MAP3K13: variants seen among roughly 807,000 people sequenced by gnomAD.
The protein encoded by MAP3K13 is mitogen-activated protein kinase kinase kinase 13.
A neutral mutation model predicts 104.0 loss-of-function variants in MAP3K13; 52 were observed. That is an observed-to-expected ratio of 0.50 (90% CI 0.40 to 0.63). The LOEUF (loss-of-function observed/expected upper bound fraction) is 0.63. Ranked by LOEUF, MAP3K13 falls within the 20% of genes least tolerant of loss-of-function variation. The probability of loss-of-function intolerance (pLI) is 0.00; values close to 1 mark genes in which losing one functional copy is unlikely to be tolerated. For synonymous variants in MAP3K13, 394 were observed against 442.2 expected (o/e 0.89, Z 1.37); for missense variants, 914 against 1,218.5 (o/e 0.75, Z 3.72).
At chr3:185,405,370 C>A (rs901900136) in intron 1 of MAP3K13, among the ~76,000 whole-genome samples, 1 of 152,128 alleles carries the variant, frequency 6.6e-6, no homozygotes, top group Non-Finnish European at 1.5e-5. Context: ...AGGCCAAATT[C>A]TTTTGATCAA....
At chr3:185,373,644 AAAAC>A (rs1190503143) in intron 1 of MAP3K13, among the ~76,000 whole-genome samples, 1 of 152,158 alleles carries the variant, frequency 6.6e-6, no homozygotes, top group Non-Finnish European at 1.5e-5. Flanking sequence ...TCCATTTCAA[AAAAC>A]AAACAAACAA....
At chr3:185,467,106 G>GT in intron 10 of MAP3K13, 143 bp downstream of exon 10, 1 of 856,200 alleles carries the variant, frequency 1.2e-6, no homozygotes, top group South Asian at 1.8e-5. Flanking sequence ...GTAAAACAGA[G>GT]TAAGAAGGTG....
chr3:185,359,209 G>C (rs1723499449), upstream of MAP3K13, among the ~76,000 whole-genome samples: 1 of 152,160 alleles, frequency 6.6e-6, no homozygotes, highest in South Asian at 2.1e-4. Flanking sequence ...GGCAAAGAGA[G>C]AGTGAGGAAG....
intron 1 of MAP3K13, among the ~76,000 whole-genome samples, chr3:185,377,823 G>A (rs901491852): frequency 6.6e-6 from 1 of 152,268 alleles, no homozygotes; most frequent in African/African-American, 2.4e-5. Flanking sequence ...AAGCCGAGAA[G>A]ATCTGGGAAG....
At chr3:185,331,165 C>T (rs1722259736) in intron 2 of MAP3K13, among the ~76,000 whole-genome samples, 1 of 135,844 alleles carries the variant, frequency 7.4e-6, no homozygotes, top group African/African-American at 2.7e-5. Flanking sequence ...GGGATCTCGG[C>T]TCACTGCAAC....
chr3:185,407,098 TCTAAGTTGATTTG>T (rs1713156663), intron 1 of MAP3K13, among the ~76,000 whole-genome samples: 1 of 152,182 alleles, frequency 6.6e-6, no homozygotes. Flanking sequence ...GGAAGGACAC[TCTAAGTTGATTTG>T]CCTCAGTAAA....
chr3:185,357,618 T>A (rs1329108480), intron 2 of MAP3K13, among the ~76,000 whole-genome samples: 4 of 152,192 alleles, frequency 2.6e-5, no homozygotes. Context: ...TGGTTTATGG[T>A]ATTTTGCCAG....
At chr3:185,455,657 G>GAT (rs1308538421) in intron 7 of MAP3K13, among the ~76,000 whole-genome samples, 1 of 56,030 alleles carries the variant, frequency 1.8e-5, no homozygotes, top group Non-Finnish European at 3.1e-5. Flanking sequence ...ATATATATAT[G>GAT]ATATATATAT....
At chr3:185,381,119 C>A (rs150825054) in intron 1 of MAP3K13, among the ~76,000 whole-genome samples, 266 of 152,114 alleles carry the variant, frequency 1.7e-3, no homozygotes, top group African/African-American at 6.2e-3. Context: ...TGTGCTACCA[C>A]GCCCGGCTAA....
intron 1 of MAP3K13, among the ~76,000 whole-genome samples, chr3:185,392,991 G>A (rs1163241906): frequency 1.3e-5 from 2 of 152,104 alleles, no homozygotes; most frequent in Non-Finnish European, 2.9e-5. Flanking sequence ...GATGGAGGTT[G>A]CAGTGAGCCG....
intron 9 of MAP3K13, among the ~76,000 whole-genome samples, chr3:185,466,207 G>A (rs995844986): frequency 6.6e-5 from 10 of 152,202 alleles, no homozygotes; most frequent in African/African-American, 1.7e-4. Flanking sequence ...ACTCCTGATG[G>A]TGGCAAGAAA....
rs367860118 is a variant in MAP3K13, at chr3:185,482,411, T to C, written c.2856T>C (p.Asp952=). ...ACTCTTCAGATGGGGAGTGTTCTGATGCCACAGTTAGGACCAATAAACACT... is the reference window on the plus strand; with the variant it reads ...ACTCTTCAGATGGGGAGTGTTCTGACGCCACAGTTAGGACCAATAAACACT... ...DCDSSDGECS[D]ATVRTNKHYS... Residue 952 remains aspartate, a synonymous_variant, in exon 14 of 14, where the codon GAT becomes GAC. Coordinates refer to ENST00000265026, the MANE Select transcript of MAP3K13 (RefSeq NM_004721.5). This position sits in a 1 kb window ranked among gnomAD's most constrained non-coding sequence, Gnocchi z 4.5. The C allele has an allele frequency of 8.1e-6, 13 of 1,614,070 alleles. No individual in the cohort carries two copies. Among genetic ancestry groups the C allele is most frequent in the East Asian group, 2.2e-5 (1 of 44,894 alleles).
chr3:185,467,467 A>G (rs1041992462), intron 10 of MAP3K13, among the ~76,000 whole-genome samples: 3 of 152,172 alleles, frequency 2.0e-5, no homozygotes, highest in South Asian at 4.1e-4. Context: ...AACTCACTGT[A>G]TTAGTCCCTT....
chr3:185,295,276 G>A (rs557442247), intron 2 of MAP3K13, among the ~76,000 whole-genome samples: 2 of 152,076 alleles, frequency 1.3e-5, no homozygotes, highest in Non-Finnish European at 2.9e-5. Flanking sequence ...TGCAATCTTG[G>A]CTCACTGCAA....
At chr3:185,358,737 C>T (rs533256873), upstream of MAP3K13, among the ~76,000 whole-genome samples, 3 of 152,306 alleles carry the variant, frequency 2.0e-5, no homozygotes, top group Admixed American at 6.5e-5. Flanking sequence ...ATAGGGTTAA[C>T]ATTCTGATAT....
intron 2 of MAP3K13, among the ~76,000 whole-genome samples, chr3:185,327,313 C>A (rs1476656937): frequency 6.6e-6 from 1 of 152,218 alleles, no homozygotes; most frequent in Non-Finnish European, 1.5e-5. Flanking sequence ...ATAATCTCCC[C>A]ATTTCAAAGT....
At chr3:185,338,948 A>G (rs1268320372) in intron 2 of MAP3K13, among the ~76,000 whole-genome samples, 2 of 152,244 alleles carry the variant, frequency 1.3e-5, no homozygotes, top group Non-Finnish European at 2.9e-5. Context: ...AAAAGACATA[A>G]TAACAAGAGC....
At chr3:185,367,646 G>C (rs775954008) in intron 1 of MAP3K13, among the ~76,000 whole-genome samples, 6 of 151,874 alleles carry the variant, frequency 4.0e-5, no homozygotes, top group Non-Finnish European at 8.8e-5. Flanking sequence ...ACCCAGACTG[G>C]AATATGGTGG....
At chr3:185,298,260 C>T (rs1720986397) in intron 2 of MAP3K13, among the ~76,000 whole-genome samples, 1 of 152,058 alleles carries the variant, frequency 6.6e-6, no homozygotes, top group Admixed American at 6.5e-5. Flanking sequence ...ATCTGTCCCA[C>T]ACCATTTTTT....
Sources: gnomAD v4.1 joint callset for allele counts (sites outside exome capture counted in the v4.1 genomes callset) on GRCh38, gnomAD v4.1.1 for gene constraint, Gnocchi (gnomAD v3.1) non-coding constraint, MANE v1.5 for transcripts, NCBI Gene and HGNC (gene_info 2026-07-23, HGNC 2026-07-21) for gene names.